The following TAF1B variants were observed in gnomAD, a reference collection of about 807,000 sequenced individuals.
TAF1B encodes TATA-box binding protein associated factor, RNA polymerase I subunit B.
In TAF1B, 61 loss-of-function variants were observed where a neutral mutation model predicts 83.9. The ratio of observed to expected loss-of-function variants is 0.73; its 90% CI spans 0.59 to 0.90. The LOEUF is 0.90. TAF1B is among the 40% of genes least tolerant of loss of function. The probability of loss-of-function intolerance (pLI) is 0.00; values close to 1 mark genes in which losing one functional copy is unlikely to be tolerated. For missense variants in TAF1B, 625 were observed against 677.0 expected, an observed-to-expected ratio of 0.92 and a Z score of 0.85; for synonymous variants, 221 against 224.6, an observed-to-expected ratio of 0.98 and a Z score of 0.14.
intron 7 of TAF1B, 82 bp downstream of exon 7, chr2:9,876,100 TA>T: frequency 2.1e-6 from 3 of 1,407,430 alleles, no homozygotes; most frequent in Non-Finnish European, 2.9e-6. Flanking sequence ...TTTTGATTTT[TA>T]TAAGAAGGCT....
rs1412177353 is a variant in TAF1B, at chr2:9,843,560, G to A, written c.18+1G>A. 6.6e-7 allele frequency: 1 copy of A among 1,521,648 alleles called. No homozygotes were observed. Among genetic ancestry groups the A allele is most frequent in the Non-Finnish European group, 8.8e-7 (1 of 1,131,658 alleles). The allele number at this position is 1,521,648 out of a possible 1,614,324, so 94.3% of individuals were successfully genotyped here. ...CGCCGCGATGGACCTCGAGGAGGCG[G>A]TAAGGAGGCGGTGCACCTGGCGGGC... On this transcript the variant is annotated splice_donor_variant, in intron 1 of 14. Coordinates refer to ENST00000263663, the MANE Select transcript of TAF1B (RefSeq NM_005680.3). LOFTEE classifies it high-confidence loss of function.
Position 9,875,906 on chromosome 2 carries a change from T to G in TAF1B, c.595T>G (p.Ser199Ala). 1.9e-6 allele frequency: 3 copies of G among 1,612,534 alleles called. No homozygotes were observed. Among genetic ancestry groups the G allele is most frequent in the Non-Finnish European group, 2.5e-6 (3 of 1,178,854 alleles). ...CSGSLDGVEY[S>A]QRKEKGIVKM... ...TGGATCTCTGGATGGAGTTGAATAC[T>G]CACAACGAAAGGAGAAGGGAATCGT... The change falls in exon 7 of 15, where the codon TCA becomes GCA. Residue 199 changes from serine to alanine, a missense_variant. By Grantham distance (99) the Ser-to-Ala change is moderately conservative. Coordinates refer to ENST00000263663, the MANE Select transcript of TAF1B (RefSeq NM_005680.3).
intron 6 of TAF1B, among the ~76,000 whole-genome samples, chr2:9,874,710 GCAT>G (rs1017585657): frequency 1.3e-5 from 2 of 152,192 alleles, no homozygotes; most frequent in Non-Finnish European, 2.9e-5. Context: ...AGATGAATAA[GCAT>G]CTGGTGAATG....
chr2:9,872,677 G>A (rs1185046871), intron 6 of TAF1B, among the ~76,000 whole-genome samples: 2 of 152,088 alleles, frequency 1.3e-5, no homozygotes, highest in African/African-American at 2.4e-5. Flanking sequence ...AGAGGCTAAC[G>A]TGTTTTCAAT....
intron 2 of TAF1B, 82 bp from the exon 3 acceptor site, chr2:9,849,291 A>T: frequency 9.0e-7 from 1 of 1,116,262 alleles, no homozygotes; most frequent in Non-Finnish European, 1.3e-6. Context: ...TTGGTTTATT[A>T]TACTTTCCAG....
intron 8 of TAF1B, among the ~76,000 whole-genome samples, chr2:9,884,630 C>T (rs1558249404): frequency 1.3e-5 from 2 of 152,180 alleles, no homozygotes; most frequent in Non-Finnish European, 2.9e-5. Flanking sequence ...GCAGGCAGGT[C>T]GTCCTATTGT....
In TAF1B at chr2:9,927,821, C is replaced by G. The variant is rs1398586283; in HGVS notation, c.1566-5962C>G. Among the ~76,000 whole-genome samples the G allele has an allele frequency of 3.3e-5, 5 of 152,022 alleles. No homozygotes were observed. In the East Asian group the frequency reaches 9.6e-4, roughly 29 times the overall value. On this transcript the variant is annotated intron_variant, in intron 14 of 14. Coordinates refer to ENST00000263663, the MANE Select transcript of TAF1B (RefSeq NM_005680.3). ...ATTTTCTCCCATTCTGTAAGTTGTT[C>G]ACTCTGATGGTAGTTTCTTTTGCTG...
chr2:9,899,869 A>C (rs938828045), intron 8 of TAF1B, among the ~76,000 whole-genome samples: 1 of 152,224 alleles, frequency 6.6e-6, no homozygotes, highest in African/African-American at 2.4e-5. Context: ...TGTCTCCTGC[A>C]TTTTAAAAAT....
intron 6 of TAF1B, among the ~76,000 whole-genome samples, chr2:9,871,315 C>G (rs2125148520): frequency 1.3e-5 from 2 of 152,268 alleles, no homozygotes; most frequent in East Asian, 3.9e-4. Flanking sequence ...ATCTCCTGAC[C>G]TTGTGATCTG....
chr2:9,930,849 C>T (rs1236346591), intron 14 of TAF1B, among the ~76,000 whole-genome samples: 1 of 152,196 alleles, frequency 6.6e-6, no homozygotes, highest in East Asian at 1.9e-4. Context: ...AATCTGAGTG[C>T]TCCTGTATTG....
At position 9,934,118 on chromosome 2, in the gene TAF1B, A is replaced by T. The variant is rs545407381; in HGVS notation, c.*134A>T. On this transcript the variant is annotated 3_prime_UTR_variant, in exon 15 of 15. Coordinates refer to ENST00000263663, the MANE Select transcript of TAF1B (RefSeq NM_005680.3). Reference sequence around the variant, plus strand: ...GACTCTGACACATATTTACATATATATCAAGTGTGCTTAGAAAAATGTATA... The same window carrying T: ...GACTCTGACACATATTTACATATATTTCAAGTGTGCTTAGAAAAATGTATA... 4.2e-6 allele frequency: 3 copies of T among 711,206 alleles called. No homozygotes were observed. The highest frequency in any genetic ancestry group is 1.8e-5 in the African/African-American group (1 of 56,074). The allele number at this position is 711,206 out of a possible 1,614,324, so 44.1% of individuals were successfully genotyped here.
intron 9 of TAF1B, among the ~76,000 whole-genome samples, chr2:9,906,462 G>GA (rs1217570762): frequency 1.3e-5 from 2 of 151,890 alleles, no homozygotes; most frequent in Non-Finnish European, 2.9e-5. Flanking sequence ...TTGAAATATA[G>GA]AAAAAAATTA....
At chr2:9,886,694 C>T (rs1003627344) in intron 8 of TAF1B, among the ~76,000 whole-genome samples, 4 of 152,114 alleles carry the variant, frequency 2.6e-5, no homozygotes, top group Non-Finnish European at 5.9e-5. Context: ...AGATATAATA[C>T]ACCAAATTAA....
chr2:9,926,821 A>AAAG (rs1553294637), intron 14 of TAF1B, among the ~76,000 whole-genome samples: 6 of 151,398 alleles, frequency 4.0e-5, no homozygotes, highest in African/African-American at 1.2e-4. Flanking sequence ...AAAAAAAAAA[A>AAAG]AGAGAGATTG....
intron 4 of TAF1B, among the ~76,000 whole-genome samples, chr2:9,852,769 G>C (rs1217082809): frequency 6.6e-6 from 1 of 152,174 alleles, no homozygotes; most frequent in Non-Finnish European, 1.5e-5. Flanking sequence ...TAGGATTATA[G>C]GCATGAGCCC....
chr2:9,864,980 A>G (rs1404148471), intron 5 of TAF1B, among the ~76,000 whole-genome samples: 1 of 152,246 alleles, frequency 6.6e-6, no homozygotes, highest in Non-Finnish European at 1.5e-5. Context: ...CACAGCCAAT[A>G]TCATACTGAA....
chr2:9,843,939 T>C (rs1369883387), intron 1 of TAF1B, among the ~76,000 whole-genome samples: 2 of 152,088 alleles, frequency 1.3e-5, no homozygotes, highest in African/African-American at 4.8e-5. Flanking sequence ...GGTTGGAACC[T>C]GAGATGCCGC....
At chr2:9,922,872 T>C (rs923413950) in intron 14 of TAF1B, among the ~76,000 whole-genome samples, 3 of 152,208 alleles carry the variant, frequency 2.0e-5, no homozygotes, top group Admixed American at 2.0e-4. Flanking sequence ...GTATTTGATG[T>C]GTGTCACATA....
At chr2:9,868,004 G>T (rs771682132) in intron 5 of TAF1B, among the ~76,000 whole-genome samples, 5 of 152,216 alleles carry the variant, frequency 3.3e-5, no homozygotes, top group Non-Finnish European at 4.4e-5. Context: ...GAAGATATTA[G>T]CGCTGTAAGA....
Sources: gnomAD v4.1 joint callset for allele counts (sites outside exome capture counted in the v4.1 genomes callset) on GRCh38, gnomAD v4.1.1 for gene constraint, MANE v1.5 for transcripts, NCBI Gene and HGNC (gene_info 2026-07-23, HGNC 2026-07-21) for gene names.